SLC25A43: variants seen among roughly 807,000 people sequenced by gnomAD.
SLC25A43 encodes solute carrier family 25 member 43, also known as solute carrier family 25, member 43.
Under a neutral mutation model 22.8 loss-of-function variants are expected in SLC25A43, and 10 were observed. The ratio of observed to expected loss-of-function variants is 0.44; its 90% CI spans 0.27 to 0.74. The LOEUF (loss-of-function observed/expected upper bound fraction) is 0.74, where lower values mean the gene tolerates loss of function less well. Ranked by LOEUF, SLC25A43 falls within the 30% of genes least tolerant of loss-of-function variation. The probability of loss-of-function intolerance (pLI) is 0.17; values close to 1 mark genes in which losing one functional copy is unlikely to be tolerated. For missense variants in SLC25A43, 233 were observed against 279.1 expected (o/e 0.83, Z 1.18); for synonymous variants, 106 against 121.6 (o/e 0.87, Z 0.84).
chrX:119,425,159 T>C (rs2052492314), intron 3 of SLC25A43, among the ~76,000 whole-genome samples: 1 of 111,987 alleles, frequency 8.9e-6, no homozygotes, highest in African/African-American at 3.2e-5. Flanking sequence ...TGCTTTGACT[T>C]GAGAAGCCGT....
chrX:119,451,806 G>A, intron 3 of SLC25A43: 1 of 1,040,212 alleles, frequency 9.6e-7, no homozygotes, highest in South Asian at 2.5e-5. Flanking sequence ...CAAATATATG[G>A]ACAGGGTATC....
chrX:119,451,549 A>G (rs932723049), intron 3 of SLC25A43, among the ~76,000 whole-genome samples: 2 of 111,901 alleles, frequency 1.8e-5, no homozygotes, highest in African/African-American at 3.3e-5. Flanking sequence ...AGCAACAGAG[A>G]GCGAGAAGAA....
intron 2 of SLC25A43, among the ~76,000 whole-genome samples, chrX:119,407,093 A>G (rs979227840): frequency 8.9e-6 from 1 of 112,785 alleles, no homozygotes; most frequent in Non-Finnish European, 1.9e-5. Flanking sequence ...TTATGGCCCA[A>G]TTGCAAAATC....
At position 119,454,147 on chromosome X, in the gene SLC25A43, A is replaced by G. The variant is rs962711269; in HGVS notation, c.*1082A>G. The G allele has an allele frequency of 8.9e-6, 1 of 112,223 alleles. No homozygotes were observed. The highest frequency in any genetic ancestry group is 1.9e-5 in the Non-Finnish European group (1 of 53,235). 9.2% of individuals were successfully genotyped at this position (112,223 alleles called of 1,213,427 possible). On this transcript the variant is annotated 3_prime_UTR_variant, in exon 5 of 5. Transcript: ENST00000217909. ...TGAAAATAAGTTATTTAGTCAAGTT[A>G]TTCTCAAAGATGTCCCAGTTGCCTA...
At chrX:119,442,864 C>T (rs2052632422) in intron 3 of SLC25A43, among the ~76,000 whole-genome samples, 1 of 112,165 alleles carries the variant, frequency 8.9e-6, no homozygotes, top group Non-Finnish European at 1.9e-5. Context: ...AATTCCAGCC[C>T]ACTCTTATAC....
chrX:119,410,138 A>G (rs767692431), intron 2 of SLC25A43, 52 bp from the exon 3 acceptor site: 3 of 1,171,079 alleles, frequency 2.6e-6, no homozygotes, highest in Non-Finnish European at 3.5e-6. Flanking sequence ...TATGTTCTCA[A>G]GCCAGTGTTT....
At chrX:119,399,800 G>C (rs1277292981) in intron 1 of SLC25A43, 122 bp downstream of exon 1, 1 of 791,455 alleles carries the variant, frequency 1.3e-6, no homozygotes, top group Non-Finnish European at 1.6e-6. Flanking sequence ...CCCCCTTGTC[G>C]ATCACCTGGG....
At chrX:119,451,979 C>T in intron 3 of SLC25A43, 30 bp from the exon 4 acceptor site, 9 of 1,209,545 alleles carry the variant, frequency 7.4e-6, no homozygotes, top group Non-Finnish European at 8.9e-6. Context: ...ATGTTTCAAT[C>T]ACCTCATCCC....
At chrX:119,450,313 G>A (rs1233809809) in intron 3 of SLC25A43, among the ~76,000 whole-genome samples, 1 of 111,245 alleles carries the variant, frequency 9.0e-6, no homozygotes, top group African/African-American at 3.3e-5. Flanking sequence ...CACTGGATTT[G>A]GAAACCAGGA....
At chrX:119,403,019 T>C (rs1002687069) in intron 1 of SLC25A43, among the ~76,000 whole-genome samples, 1 of 111,725 alleles carries the variant, frequency 9.0e-6, no homozygotes, top group Non-Finnish European at 1.9e-5. Flanking sequence ...ATTCAGTGAA[T>C]TAAGGGCCTG....
chrX:119,421,434 C>T (rs746988710), intron 3 of SLC25A43, among the ~76,000 whole-genome samples: 4 of 112,093 alleles, frequency 3.6e-5, no homozygotes, highest in African/African-American at 1.3e-4. Context: ...AACACACATT[C>T]GTATGACCTC....
At position 119,399,525 on chromosome X, in the gene SLC25A43, A is replaced by G; in HGVS notation, c.122A>G (p.Gln41Arg). The change falls in exon 1 of 5, where the codon CAG becomes CGG. Residue 41 changes from glutamine to arginine, a missense_variant. Coordinates refer to ENST00000217909, the MANE Select transcript of SLC25A43 (RefSeq NM_145305.3). Reference sequence around the variant, plus strand: ...CTGGAGCTCGCCACCGTGCTGGCCCAGGTTGGCGTCGTGCGAGGCCACGCC... The same window carrying G: ...CTGGAGCTCGCCACCGTGCTGGCCCGGGTTGGCGTCGTGCGAGGCCACGCC... The part of the protein sequence containing the change: ...APLELATVLA[Q>R]VGVVRGHARG... 9.2e-7 allele frequency: 1 copy of G among 1,089,178 alleles called. No homozygotes were observed. Among genetic ancestry groups the G allele is most frequent in the Non-Finnish European group, 1.2e-6 (1 of 837,527 alleles). 89.8% of individuals were successfully genotyped at this position (1,089,178 alleles called of 1,213,427 possible).
chrX:119,406,811 A>G, intron 2 of SLC25A43, 110 bp downstream of exon 2: 2 of 918,526 alleles, frequency 2.2e-6, no homozygotes, highest in Non-Finnish European at 3.0e-6. Context: ...GATCAAGGTT[A>G]TATGGATTCA....
At chrX:119,452,836 A>G in intron 4 of SLC25A43, 29 bp from the exon 5 acceptor site, 1 of 1,148,321 alleles carries the variant, frequency 8.7e-7, no homozygotes, top group Non-Finnish European at 1.2e-6. Flanking sequence ...TTAAGAACTT[A>G]ACTTGATTTT....
intron 3 of SLC25A43, among the ~76,000 whole-genome samples, chrX:119,435,365 T>G (rs2052593392): frequency 9.1e-6 from 1 of 110,149 alleles, no homozygotes; most frequent in Non-Finnish European, 1.9e-5. Context: ...ATTCAGCCCT[T>G]TTTTATTTTC....
chrX:119,452,209 C>T (rs1569379238), intron 4 of SLC25A43, 66 bp downstream of exon 4: 13 of 1,115,370 alleles, frequency 1.2e-5, no homozygotes, highest in East Asian at 6.1e-5. Flanking sequence ...TCCTTTGTCA[C>T]CCCCAACCCC....
chrX:119,450,776 G>A (rs963548035), intron 3 of SLC25A43, among the ~76,000 whole-genome samples: 1 of 112,806 alleles, frequency 8.9e-6, no homozygotes, highest in Non-Finnish European at 1.9e-5. Context: ...AGCCAGCTCT[G>A]AGGGGACATC....
Position 119,399,435 on chromosome X carries a change from C to G in SLC25A43, c.32C>G (p.Thr11Arg), listed in dbSNP as rs1392518021. ...ACGTGGAGGCGGGACGGCCGACTGA[C>G]AGGCGGCCAAAGGCTGCTGTGCGCT... is the stretch of plus-strand genomic sequence containing the variant. Reference protein sequence around the residue: MATWRRDGRLTGGQRLLCAGL... With the variant: MATWRRDGRLRGGQRLLCAGL... Residue 11 changes from threonine to arginine, a missense_variant, in exon 1 of 5, where the codon ACA becomes AGA. Physicochemically the swap from Thr to Arg is moderately conservative, Grantham distance 71. Transcript: ENST00000217909. 1.9e-6 allele frequency: 2 copies of G among 1,027,081 alleles called. No individual in the cohort carries two copies. Among genetic ancestry groups the G allele is most frequent in the Non-Finnish European group, 2.5e-6 (2 of 807,334 alleles). 84.6% of individuals were successfully genotyped at this position (1,027,081 alleles called of 1,213,427 possible).
At position 119,452,155 on chromosome X, in the gene SLC25A43, C is replaced by T. The variant is rs1301248863; in HGVS notation, c.825+12C>T. On this transcript the variant is annotated intron_variant, in intron 4 of 4. Coordinates refer to ENST00000217909, the MANE Select transcript of SLC25A43 (RefSeq NM_145305.3). Reference sequence around the variant, plus strand: ...CCAATTTACTGAAGGTGAGAAGAGCCACCAGCCTCCGCTGCTCCCCTGCCT... The same window carrying T: ...CCAATTTACTGAAGGTGAGAAGAGCTACCAGCCTCCGCTGCTCCCCTGCCT... 8 of 1,181,458 alleles carry T rather than the reference C, an allele frequency of 6.8e-6. No individual in the cohort carries two copies. Among genetic ancestry groups the T allele is most frequent in the African/African-American group, 5.4e-5 (3 of 56,002 alleles).
Sources: allele counts gnomAD v4.1 joint callset (sites outside exome capture counted in the v4.1 genomes callset), GRCh38; gene constraint gnomAD v4.1.1; transcripts MANE v1.5; gene names NCBI Gene and HGNC (gene_info 2026-07-23, HGNC 2026-07-21).